AK9: variants seen among roughly 807,000 people sequenced by gnomAD.
AK9 encodes the protein adenylate kinase 9.
In AK9, 191 loss-of-function variants were observed where a neutral mutation model predicts 239.6. That is an observed-to-expected ratio of 0.80 (90% CI 0.71 to 0.90). The LOEUF (loss-of-function observed/expected upper bound fraction) is 0.90. AK9 is among the 40% of genes least tolerant of loss of function. The pLI, the probability that AK9 is intolerant of heterozygous loss-of-function variation, is 0.00. For missense variants in AK9, 1,995 were observed against 2,214.7 expected (o/e 0.90, Z 1.99); for synonymous variants, 689 against 721.0 (o/e 0.96, Z 0.71).
intron 25 of AK9, among the ~76,000 whole-genome samples, chr6:109,549,251 C>A (rs1460458947): frequency 2.6e-5 from 4 of 152,208 alleles, no homozygotes; most frequent in Non-Finnish European, 2.9e-5. Context: ...CAACCAGTGT[C>A]AGCCCTCACT....
chr6:109,682,999 A>T (rs1322252439), intron 1 of AK9, among the ~76,000 whole-genome samples: 1 of 152,246 alleles, frequency 6.6e-6, no homozygotes, highest in Non-Finnish European at 1.5e-5. Flanking sequence ...AAAATCCTCA[A>T]TAAAATGCTG....
chr6:109,531,829 C>T (rs1478497897), intron 28 of AK9, among the ~76,000 whole-genome samples: 1 of 152,164 alleles, frequency 6.6e-6, no homozygotes, highest in Admixed American at 6.5e-5. Flanking sequence ...TGTGGAGCCA[C>T]GTATCTTCCC....
chr6:109,680,836 TC>T (rs1229246193), intron 1 of AK9, among the ~76,000 whole-genome samples: 1 of 152,166 alleles, frequency 6.6e-6, no homozygotes, highest in African/African-American at 2.4e-5. Flanking sequence ...ACGCAGAATT[TC>T]ATATCCAGCC....
chr6:109,550,317 CA>C lies in AK9; in HGVS notation c.2752-16del. 2.5e-6 allele frequency: 4 copies of C among 1,593,464 alleles called. No individual in the cohort carries two copies. The highest frequency in any genetic ancestry group is 3.4e-6 in the Non-Finnish European group (4 of 1,174,960). ...TTATCTTCACCCTAGAAACGGTATT[CA>C]AAGTTTGGAGAACATTAAACTAAAA... On this transcript the variant is annotated splice_polypyrimidine_tract_variant and intron_variant, in intron 24 of 40. Coordinates refer to ENST00000424296, the MANE Select transcript of AK9 (RefSeq NM_001145128.3).
chr6:109,674,103 G>A (rs576937522), intron 3 of AK9, 95 bp downstream of exon 3: 11 of 867,940 alleles, frequency 1.3e-5, no homozygotes, highest in Non-Finnish European at 1.8e-5. Context: ...ACTCTAGATG[G>A]TGAGTATATG....
intron 8 of AK9, among the ~76,000 whole-genome samples, chr6:109,655,949 G>A (rs188420681): frequency 6.6e-6 from 1 of 152,294 alleles, no homozygotes; most frequent in African/African-American, 2.4e-5. Flanking sequence ...TGGATGTTGA[G>A]AATGAAAATG....
chr6:109,675,706 C>G lies in AK9; in HGVS notation c.40G>C (p.Asp14His). The change falls in exon 2 of 41, where the codon GAT (aspartate) becomes CAT (histidine). Residue 14 changes from aspartate (D) to histidine (H), a missense_variant. By Grantham distance (81) the Asp-to-His change is moderately conservative. This residue lies in a region of AK9 where 252 missense variants were observed against 246.4 expected (regional missense o/e 1.02). Transcript: ENST00000424296. ...QEKTEEYPFADIFDEDETERN... is the reference protein window; with the variant it reads ...QEKTEEYPFAHIFDEDETERN... ...TCAGTTTCATCTTCATCAAATATAT[C>G]TGCAAAAGGATACTCTTCTGTCTTC... 1 of 1,598,104 alleles carries G rather than the reference C, an allele frequency of 6.3e-7. No individual in the cohort carries two copies. Among genetic ancestry groups the G allele is most frequent in the Non-Finnish European group, 8.5e-7 (1 of 1,173,450 alleles).
At chr6:109,663,331 T>C (rs1800698190) in intron 5 of AK9, among the ~76,000 whole-genome samples, 1 of 152,174 alleles carries the variant, frequency 6.6e-6, no homozygotes, top group Admixed American at 6.6e-5. Flanking sequence ...CTCAATTCCT[T>C]CAGTGGGAAT....
At chr6:109,527,236 G>A (rs1780641029) in intron 29 of AK9, among the ~76,000 whole-genome samples, 1 of 146,020 alleles carries the variant, frequency 6.8e-6, no homozygotes, top group Non-Finnish European at 1.5e-5. Flanking sequence ...AGTAATGACT[G>A]GGATATTGAA....
intron 17 of AK9, among the ~76,000 whole-genome samples, chr6:109,587,675 G>A (rs1242805101): frequency 6.6e-6 from 1 of 152,170 alleles, no homozygotes; most frequent in Non-Finnish European, 1.5e-5. Flanking sequence ...TACTGCAAAA[G>A]ACATGATTTC....
rs1562364216 is a variant in AK9 at position 109,533,234 on chromosome 6, T to G, written c.3570+17A>C. On this transcript the variant is annotated intron_variant, in intron 28 of 40. Coordinates refer to ENST00000424296, the MANE Select transcript of AK9 (RefSeq NM_001145128.3). ...TGCTGAACAGATTTATTCAATGCAT[T>G]TTTGCTAGATACATACCCTGATTTT... 4.5e-6 allele frequency: 7 copies of G among 1,569,324 alleles called. No individual in the cohort carries two copies. Among genetic ancestry groups the G allele is most frequent in the Non-Finnish European group, 5.2e-6 (6 of 1,154,102 alleles).
At chr6:109,628,673 T>C (rs186457777) in intron 12 of AK9, among the ~76,000 whole-genome samples, 44 of 152,352 alleles carry the variant, frequency 2.9e-4, no homozygotes, top group African/African-American at 1.0e-3. Context: ...GTGAAAATTT[T>C]CATCTTACTA....
At chr6:109,672,567 T>C (rs1379716912) in intron 3 of AK9, among the ~76,000 whole-genome samples, 2 of 152,046 alleles carry the variant, frequency 1.3e-5, no homozygotes, top group African/African-American at 4.8e-5. Context: ...ATGCCTATAG[T>C]CCCTGCTACT....
chr6:109,597,267 T>G (rs1257120145), intron 17 of AK9, among the ~76,000 whole-genome samples: 2 of 152,230 alleles, frequency 1.3e-5, no homozygotes, highest in Non-Finnish European at 2.9e-5. Flanking sequence ...TGAAAGTGAC[T>G]CTATCAGTAC....
chr6:109,577,912 T>G (rs6925370), intron 20 of AK9, among the ~76,000 whole-genome samples: 103 of 59,508 alleles, frequency 1.7e-3, no homozygotes, highest in Admixed American at 0.012. Flanking sequence ...CTCTCTTTCT[T>G]TCTTTCTTTC....
intron 8 of AK9, among the ~76,000 whole-genome samples, chr6:109,652,929 G>C (rs993114727): frequency 4.0e-5 from 6 of 151,888 alleles, no homozygotes; most frequent in African/African-American, 1.5e-4. Flanking sequence ...GTAAAAGTAG[G>C]TGTTTTTTTT....
chr6:109,528,459 G>C (rs1164210519), intron 29 of AK9: 2 of 424,596 alleles, frequency 4.7e-6, no homozygotes, highest in African/African-American at 4.1e-5. Flanking sequence ...TGAAAATCGA[G>C]GCAAATAATT....
At chr6:109,539,327 T>G (rs1388741394) in intron 27 of AK9, among the ~76,000 whole-genome samples, 2 of 152,202 alleles carry the variant, frequency 1.3e-5, no homozygotes, top group Admixed American at 6.5e-5. Flanking sequence ...TCTCTAATCT[T>G]CTCTTCTCGC....
At chr6:109,517,068 T>A (rs1376517469) in intron 29 of AK9, among the ~76,000 whole-genome samples, 1 of 152,174 alleles carries the variant, frequency 6.6e-6, no homozygotes, top group East Asian at 1.9e-4. Flanking sequence ...TTGCTGGTTG[T>A]AGTAGCAGTG....
Sources: allele counts gnomAD v4.1 joint callset (sites outside exome capture counted in the v4.1 genomes callset), GRCh38; gene constraint gnomAD v4.1.1; regional missense constraint gnomAD v4.1.1; transcripts MANE v1.5; gene names NCBI Gene and HGNC (gene_info 2026-07-23, HGNC 2026-07-21).